The following BNC2 variants were observed in gnomAD, a reference collection of about 807,000 sequenced individuals.
The protein encoded by BNC2 is basonuclin zinc finger protein 2.
In BNC2, 20 loss-of-function variants were observed where a neutral mutation model predicts 76.3. The observed-to-expected ratio is 0.26, with a 90% CI of 0.18 to 0.38. The LOEUF is 0.38. Ranked by LOEUF, BNC2 falls within the 10% of genes least tolerant of loss-of-function variation. The pLI is 1.00. For synonymous variants in BNC2, 582 were observed against 514.8 expected (o/e 1.13, Z -1.77); for missense variants, 1,382 against 1,399.8 (o/e 0.99, Z 0.20).
intron 1 of BNC2, among the ~76,000 whole-genome samples, chr9:16,802,920 C>T (rs1663128762): frequency 6.6e-6 from 1 of 152,200 alleles, no homozygotes; most frequent in Non-Finnish European, 1.5e-5. Flanking sequence ...ACTTGGCAAA[C>T]TTATTCATAA....
At chr9:16,563,685 G>A (rs1469483596) in intron 4 of BNC2, among the ~76,000 whole-genome samples, 1 of 152,202 alleles carries the variant, frequency 6.6e-6, no homozygotes, top group Non-Finnish European at 1.5e-5. Flanking sequence ...ATGTATTCAT[G>A]TGAACAGATG....
intron 3 of BNC2, chr9:16,704,780 T>G (rs375442925): frequency 1.3e-5 from 2 of 148,744 alleles, no homozygotes; most frequent in East Asian, 4.0e-4. Context: ...TCCCAGCCAG[T>G]GGTGCAAGGT....
In BNC2 at chr9:16,838,547, G is replaced by C. The variant is rs148959958; in HGVS notation, c.3+32099C>G. Among the ~76,000 whole-genome samples the C allele has an allele frequency of 6.6e-5, 10 of 152,254 alleles. No homozygotes were observed. The East Asian group carries it at 1.9e-3, about 29-fold the overall frequency. On this transcript the variant is annotated intron_variant, in intron 1 of 6. Coordinates refer to ENST00000380672, the MANE Select transcript of BNC2 (RefSeq NM_017637.6). ...TTGCACTCCAGCCTGGACAACAAGA[G>C]CGAAACTCCGTGTTAAAAAAAAGAA...
At chr9:16,490,837 T>C (rs574319441) in intron 5 of BNC2, among the ~76,000 whole-genome samples, 24 of 152,168 alleles carry the variant, frequency 1.6e-4, no homozygotes, top group Non-Finnish European at 3.2e-4. Context: ...TAAAATGCAG[T>C]GCAGCTGGTT....
At chr9:16,780,047 T>C (rs988513245) in intron 1 of BNC2, among the ~76,000 whole-genome samples, 45 of 142,024 alleles carry the variant, frequency 3.2e-4, no homozygotes, top group East Asian at 1.7e-3. Context: ...CCATCCTGGC[T>C]AACATGGTGA....
chr9:16,673,722 T>C (rs1371204540), intron 3 of BNC2, among the ~76,000 whole-genome samples: 1 of 152,232 alleles, frequency 6.6e-6, no homozygotes, highest in East Asian at 1.9e-4. Context: ...TTGATTTATA[T>C]CTTTGACTGT....
Position 16,504,870 on chromosome 9 carries a change from A to T in BNC2, c.669+47660T>A, listed in dbSNP as rs1021868365. Among the ~76,000 whole-genome samples, 8 of 152,314 alleles carry T rather than the reference A, an allele frequency of 5.3e-5. No homozygotes were observed. In the East Asian group the frequency reaches 1.5e-3, roughly 29 times the overall value. ...AAGACCTCATCTCTTAAAAAACAAAAAACCCCACAAAACTGTGGGACCATG... is the reference window on the plus strand; with the variant it reads ...AAGACCTCATCTCTTAAAAAACAAATAACCCCACAAAACTGTGGGACCATG... On this transcript the variant is annotated intron_variant, in intron 5 of 6. Transcript: ENST00000380672.
In BNC2 at chr9:16,468,877, A is replaced by G. The variant is rs369617377; in HGVS notation, c.670-31353T>C. Among the ~76,000 whole-genome samples the G allele has an allele frequency of 3.9e-4, 60 of 152,338 alleles. 2 individuals carry two copies. In the South Asian group the frequency reaches 0.012, roughly 31 times the overall value. On this transcript the variant is annotated intron_variant, in intron 5 of 6. Coordinates refer to ENST00000380672, the MANE Select transcript of BNC2 (RefSeq NM_017637.6). ...TACTCATATACCTCTAGTTGTCCAT[A>G]TCCCCAATAATACAAATATCACATA...
chr9:16,711,583 T>C (rs1452630305), intron 3 of BNC2, among the ~76,000 whole-genome samples: 3 of 152,262 alleles, frequency 2.0e-5, no homozygotes, highest in African/African-American at 4.8e-5. Context: ...AGTGATACTT[T>C]GTTTTCAAAT....
chr9:16,523,200 G>T (rs894188455), intron 5 of BNC2, among the ~76,000 whole-genome samples: 1 of 152,130 alleles, frequency 6.6e-6, no homozygotes, highest in East Asian at 1.9e-4. Flanking sequence ...GGCCGGACGC[G>T]GTGGCTCACA....
At chr9:16,630,349 A>C (rs1821124583) in intron 3 of BNC2, among the ~76,000 whole-genome samples, 1 of 152,256 alleles carries the variant, frequency 6.6e-6, no homozygotes, top group South Asian at 2.1e-4. Context: ...CTGAGCCAAA[A>C]TTATGATTAA....
At chr9:16,471,977 T>C (rs1821835331) in intron 5 of BNC2, among the ~76,000 whole-genome samples, 1 of 152,202 alleles carries the variant, frequency 6.6e-6, no homozygotes, top group Non-Finnish European at 1.5e-5. Context: ...CCTCATTTTT[T>C]CTCTTGCCTC....
chr9:16,443,499 T>C (rs1821171608), intron 5 of BNC2, among the ~76,000 whole-genome samples: 1 of 151,568 alleles, frequency 6.6e-6, no homozygotes, highest in Admixed American at 6.6e-5. Flanking sequence ...CCTACCTAGC[T>C]TAAGTATTCC....
intron 3 of BNC2, among the ~76,000 whole-genome samples, chr9:16,724,678 A>T (rs571379913): frequency 1.7e-4 from 26 of 152,268 alleles, no homozygotes; most frequent in African/African-American, 6.3e-4. Flanking sequence ...AGACAGAATG[A>T]AAGATGTACA....
At chr9:16,534,223 C>T (rs1468075553) in intron 5 of BNC2, among the ~76,000 whole-genome samples, 1 of 152,144 alleles carries the variant, frequency 6.6e-6, no homozygotes, top group African/African-American at 2.4e-5. Flanking sequence ...TTATGGTTTT[C>T]TTCCTCGATC....
intron 1 of BNC2, among the ~76,000 whole-genome samples, chr9:16,857,451 TGGGCAACAGA>T (rs2136189584): frequency 7.9e-6 from 1 of 125,788 alleles, no homozygotes; most frequent in East Asian, 2.3e-4. Context: ...CACACCAGCC[TGGGCAACAGA>T]GTGAGACTCT....
chr9:16,572,077 G>A (rs182986240), intron 4 of BNC2, among the ~76,000 whole-genome samples: 4 of 152,042 alleles, frequency 2.6e-5, no homozygotes, highest in African/African-American at 7.2e-5. Flanking sequence ...AAAAGGAGGC[G>A]GGTGGGTAAT....
intron 5 of BNC2, among the ~76,000 whole-genome samples, chr9:16,498,660 A>G (rs924836217): frequency 6.6e-5 from 10 of 151,552 alleles, no homozygotes; most frequent in Admixed American, 6.6e-4. Context: ...TAACTTATAG[A>G]AAAATAAAAA....
intron 3 of BNC2, chr9:16,726,744 G>C (rs1202633194): frequency 2.6e-5 from 4 of 152,156 alleles, no homozygotes; most frequent in Admixed American, 6.5e-5. Flanking sequence ...AACTTGCTTT[G>C]TGTGGGTTTG....
Sources: allele counts gnomAD v4.1 joint callset (sites outside exome capture counted in the v4.1 genomes callset), GRCh38; gene constraint gnomAD v4.1.1; transcripts MANE v1.5; gene names NCBI Gene and HGNC (gene_info 2026-07-23, HGNC 2026-07-21).